The following DACH2 variants were observed in gnomAD, a reference collection of about 807,000 sequenced individuals.
DACH2 encodes the protein dachshund family transcription factor 2.
A neutral mutation model predicts 35.8 loss-of-function variants in DACH2; 17 were observed. The observed-to-expected ratio is 0.48, with a 90% CI of 0.33 to 0.71. The LOEUF is 0.71. Among genes scored for constraint, DACH2 ranks in the 30% least tolerant of loss-of-function variants. The probability of loss-of-function intolerance (pLI) is 0.02; values close to 1 mark genes in which losing one functional copy is unlikely to be tolerated. For synonymous variants in DACH2, 195 were observed against 177.3 expected (o/e 1.10, Z -0.79); for missense variants, 469 against 472.7 (o/e 0.99, Z 0.07).
At chrX:86,492,386 T>G (rs924190367) in intron 2 of DACH2, among the ~76,000 whole-genome samples, 1 of 111,983 alleles carries the variant, frequency 8.9e-6, no homozygotes, top group African/African-American at 3.2e-5. Flanking sequence ...AGAAAATATT[T>G]CCCTTCTTGC....
rs1242983607 is a variant in DACH2, at chrX:86,546,506, T to TC, written c.640+32115_640+32116insC. Among the ~76,000 whole-genome samples, 6 of 60,371 alleles carry TC rather than the reference T, an allele frequency of 9.9e-5. 1 individual carries two copies. Among genetic ancestry groups the TC allele is most frequent in the African/African-American group, 5.9e-4 (6 of 10,145 alleles). 52.4% of individuals were successfully genotyped at this position (60,371 alleles called of 115,157 possible). On this transcript the variant is annotated intron_variant, in intron 3 of 11. Coordinates refer to ENST00000373125, the MANE Select transcript of DACH2 (RefSeq NM_053281.3). ...CTTCCTCTTCTTCTTCTTCTTTCTT[T>TC]TTTTTTTTTTTTTTTTAAGACAGAG...
At chrX:86,191,756 C>T (rs988503687) in intron 1 of DACH2, among the ~76,000 whole-genome samples, 5 of 110,777 alleles carry the variant, frequency 4.5e-5, no homozygotes, top group African/African-American at 1.6e-4. Context: ...GTCTGGCCAA[C>T]GTAATGAAAC....
chrX:86,153,208 A>C (rs978344376), intron 1 of DACH2, among the ~76,000 whole-genome samples: 6 of 111,382 alleles, frequency 5.4e-5, no homozygotes, highest in African/African-American at 1.9e-4. Flanking sequence ...TTAGTAATGC[A>C]TTTGGAGACA....
intron 3 of DACH2, among the ~76,000 whole-genome samples, chrX:86,546,357 C>CTCTTCTTCTTCTTCTTCTTCT (rs1195943792): frequency 0.063 from 3,165 of 49,989 alleles, 273 homozygotes; most frequent in East Asian, 0.15. Flanking sequence ...CTTCTTCTTC[C>CTCTTCTTCTTCTTCTTCTTCT]TCTTCTTCTT....
chrX:86,203,089 G>C (rs1569300658), intron 1 of DACH2, among the ~76,000 whole-genome samples: 5 of 111,129 alleles, frequency 4.5e-5, no homozygotes, highest in Non-Finnish European at 9.5e-5. Context: ...AAACAATTCT[G>C]TTTTTCAAGT....
intron 2 of DACH2, among the ~76,000 whole-genome samples, chrX:86,380,881 T>A (rs1420255810): frequency 9.0e-6 from 1 of 110,753 alleles, no homozygotes; most frequent in Non-Finnish European, 1.9e-5. Flanking sequence ...TTTTTAAGTA[T>A]TTTTACATTA....
rs766305187 is a variant in DACH2, at chrX:86,535,494, C to T, written c.640+21103C>T. Among the ~76,000 whole-genome samples, 267 of 111,580 alleles carry T rather than the reference C, an allele frequency of 2.4e-3. 1 individual carries two copies. Among genetic ancestry groups the T allele is most frequent in the Non-Finnish European group, 4.0e-3 (212 of 53,104 alleles). ...AGGGGTCAGGATGTGCCTCATTATA[C>T]TTTCTTCCCTTTGCAGTTTAGACAC... On this transcript the variant is annotated intron_variant, in intron 3 of 11. Coordinates refer to ENST00000373125, the MANE Select transcript of DACH2 (RefSeq NM_053281.3).
intron 3 of DACH2, among the ~76,000 whole-genome samples, chrX:86,537,101 T>G (rs1446451602): frequency 9.0e-6 from 1 of 111,155 alleles, no homozygotes; most frequent in East Asian, 2.8e-4. Flanking sequence ...TGCCCCACAT[T>G]CCTTGCATTC....
chrX:86,565,298 A>G (rs1220286132), intron 3 of DACH2, among the ~76,000 whole-genome samples: 3 of 111,382 alleles, frequency 2.7e-5, no homozygotes, highest in African/African-American at 9.8e-5. Context: ...TTCACCTATT[A>G]TTTCACTTTT....
chrX:86,401,731 A>G (rs751499943), intron 2 of DACH2, among the ~76,000 whole-genome samples: 38 of 107,836 alleles, frequency 3.5e-4, no homozygotes, highest in East Asian at 2.9e-3. Context: ...AAAAAAAAGA[A>G]AAAAAAAAAA....
chrX:86,174,215 C>T (rs972787612), intron 1 of DACH2, among the ~76,000 whole-genome samples: 11 of 105,553 alleles, frequency 1.0e-4, no homozygotes, highest in Admixed American at 4.1e-4. Context: ...CTTGAATTCC[C>T]GAGCTCAAGC....
At chrX:86,176,913 C>T (rs748164744) in intron 1 of DACH2, among the ~76,000 whole-genome samples, 5 of 111,466 alleles carry the variant, frequency 4.5e-5, no homozygotes, top group African/African-American at 1.6e-4. Flanking sequence ...CTTATTAGTA[C>T]GTCATATATT....
At chrX:86,721,160 C>T (rs1214096747) in intron 6 of DACH2, among the ~76,000 whole-genome samples, 1 of 112,389 alleles carries the variant, frequency 8.9e-6, no homozygotes, top group Non-Finnish European at 1.9e-5. Context: ...GCCCTGGAGG[C>T]ATTTTCCCCA....
chrX:86,197,595 A>G (rs1035664369), intron 1 of DACH2, among the ~76,000 whole-genome samples: 1 of 111,569 alleles, frequency 9.0e-6, no homozygotes, highest in Non-Finnish European at 1.9e-5. Context: ...AAACAGAAAA[A>G]AAAAGCAGGG....
At chrX:86,691,649 T>A (rs146201694) in intron 4 of DACH2, among the ~76,000 whole-genome samples, 3 of 110,955 alleles carry the variant, frequency 2.7e-5, no homozygotes, top group Non-Finnish European at 5.7e-5. Flanking sequence ...TGTGAGGACA[T>A]AGGGGAAAAC....
rs1170157559 is a variant in DACH2, at chrX:86,228,234, G to A, written c.488+79126G>A. On this transcript the variant is annotated intron_variant, in intron 1 of 11. Coordinates refer to ENST00000373125, the MANE Select transcript of DACH2 (RefSeq NM_053281.3). ...ATACGATGTTTGGTTTTCGATTCCC[G>A]AGTTACTTCACTTAGAATAATAGTC... is the stretch of plus-strand genomic sequence containing the variant. Among the ~76,000 whole-genome samples, 6 of 110,232 alleles carry A rather than the reference G, an allele frequency of 5.4e-5. No individual in the cohort carries two copies. In the South Asian group the frequency reaches 1.5e-3, roughly 28 times the overall value.
rs6653110 is a variant in DACH2, at chrX:86,683,461, G to A, written c.773-11560G>A. Among the ~76,000 whole-genome samples, 578 of 111,369 alleles carry A rather than the reference G, an allele frequency of 5.2e-3. 7 individuals carry two copies. Among genetic ancestry groups the A allele is most frequent in the African/African-American group, 0.018 (545 of 30,732 alleles). On this transcript the variant is annotated intron_variant, in intron 4 of 11. Transcript: ENST00000373125. ...AAGTAGCCTAGTAAAGCCGTATCTG[G>A]AGTCCTCATTTTCAGTGTTTTACTG...
intron 7 of DACH2, among the ~76,000 whole-genome samples, chrX:86,799,684 C>T (rs1384872068): frequency 8.9e-6 from 1 of 112,316 alleles, no homozygotes; most frequent in African/African-American, 3.2e-5. Flanking sequence ...AGACAAAATA[C>T]AATGCTATAA....
intron 1 of DACH2, among the ~76,000 whole-genome samples, chrX:86,361,013 AAC>A (rs1382691824): frequency 9.0e-6 from 1 of 111,414 alleles, no homozygotes; most frequent in Admixed American, 9.6e-5. Flanking sequence ...ATTGAACTGA[AAC>A]ACATATAAAA....
Sources: allele counts gnomAD v4.1 joint callset (sites outside exome capture counted in the v4.1 genomes callset), GRCh38; gene constraint gnomAD v4.1.1; transcripts MANE v1.5; gene names NCBI Gene and HGNC (gene_info 2026-07-23, HGNC 2026-07-21).